Variants in NPAS3 observed in about 807,000 individuals in gnomAD.
NPAS3 encodes the protein neuronal PAS domain protein 3.
A neutral mutation model predicts 73.1 loss-of-function variants in NPAS3; 14 were observed. That is an observed-to-expected ratio of 0.19 (90% confidence interval 0.13 to 0.30). The LOEUF (loss-of-function observed/expected upper bound fraction) is 0.30, where lower values mean the gene tolerates loss of function less well. Ranked by LOEUF, NPAS3 falls within the 10% of genes least tolerant of loss-of-function variation. The pLI is 1.00. For missense variants in NPAS3, 1,096 were observed against 1,250.0 expected (o/e 0.88, Z 1.86); for synonymous variants, 620 against 541.5 (o/e 1.14, Z -2.01).
At chr14:33,595,101 A>T (rs1178666219) in intron 5 of NPAS3, among the ~76,000 whole-genome samples, 1 of 152,196 alleles carries the variant, frequency 6.6e-6, no homozygotes, top group African/African-American at 2.4e-5. Context: ...TTTTTCCTCA[A>T]AGCTAAATTT....
In NPAS3 at chr14:33,540,699, C is replaced by A. The variant is rs189569315; in HGVS notation, c.469-19422C>A. Among the ~76,000 whole-genome samples, 3 of 152,216 alleles carry A rather than the reference C, an allele frequency of 2.0e-5. No individual in the cohort carries two copies. The East Asian group carries it at 5.8e-4, about 29-fold the overall frequency. ...TGGGGTCTCTTCAACCTCCCTCGTT[C>A]TAGTAAAGGTCTCTGTAAACACTGA... On this transcript the variant is annotated intron_variant, in intron 4 of 11. Transcript: ENST00000356141.
intron 5 of NPAS3, among the ~76,000 whole-genome samples, chr14:33,580,229 G>A (rs930239985): frequency 3.3e-5 from 5 of 152,170 alleles, no homozygotes; most frequent in Admixed American, 6.5e-5. Flanking sequence ...AAGGGTCAGA[G>A]AACCAGCTTC....
At chr14:33,428,246 T>A (rs2048636246) in intron 4 of NPAS3, among the ~76,000 whole-genome samples, 1 of 152,110 alleles carries the variant, frequency 6.6e-6, no homozygotes, top group Non-Finnish European at 1.5e-5. Context: ...CATGGACACA[T>A]TTTTTAACTT....
chr14:33,147,730 A>AATATATATATATATAT lies in NPAS3; in HGVS notation c.141-67442_141-67427dup, dbSNP rs10674790. On this transcript the variant is annotated intron_variant, in intron 2 of 11. Coordinates refer to ENST00000356141, the Ensembl canonical transcript of NPAS3. ...CCCTAGAACTTAAAGTAGAATAAAA[A>AATATATATATATATAT]ATATATATATATATATATATATATA... 1.6e-3 allele frequency among the ~76,000 whole-genome samples: 212 copies of AATATATATATATATAT among 130,294 alleles called. 2 individuals carry two copies. The highest frequency in any genetic ancestry group is 6.6e-3 in the African/African-American group (203 of 30,850). The allele number at this position is 130,294 out of a possible 152,430, so 85.5% of individuals were successfully genotyped here.
In NPAS3 at chr14:33,011,603, C is replaced by G. The variant is rs141078074; in HGVS notation, c.51-44302C>G. Among the ~76,000 whole-genome samples, 723 of 151,930 alleles carry G rather than the reference C, an allele frequency of 4.8e-3. 6 individuals are homozygous for G. Among genetic ancestry groups the G allele is most frequent in the South Asian group, 0.028 (134 of 4,818 alleles). Reference sequence around the variant, plus strand: ...AAGGAAATGAGGTTGAACAAAATGACATTGTTGGAGGACCTGCTGTAATTC... The same window carrying G: ...AAGGAAATGAGGTTGAACAAAATGAGATTGTTGGAGGACCTGCTGTAATTC... On this transcript the variant is annotated intron_variant, in intron 1 of 11. Coordinates refer to ENST00000356141, the Ensembl canonical transcript of NPAS3.
At chr14:33,101,430 A>T (rs1257990651) in intron 2 of NPAS3, among the ~76,000 whole-genome samples, 1 of 152,214 alleles carries the variant, frequency 6.6e-6, no homozygotes, top group Non-Finnish European at 1.5e-5. Context: ...AACTTGTAGT[A>T]AACCCTGACT....
At chr14:33,434,935 G>C (rs145815754) in intron 4 of NPAS3, among the ~76,000 whole-genome samples, 45 of 152,250 alleles carry the variant, frequency 3.0e-4, no homozygotes, top group African/African-American at 9.6e-4. Context: ...TAATTTTGAG[G>C]GGGGTGTGGT....
At chr14:33,563,542 A>AGAGAGAG (rs2055768547) in intron 5 of NPAS3, among the ~76,000 whole-genome samples, 2 of 148,978 alleles carry the variant, frequency 1.3e-5, no homozygotes, top group East Asian at 3.9e-4. Context: ...ACACACAGAG[A>AGAGAGAG]GAGAGAGAGA....
At chr14:33,459,138 G>A (rs2050146275) in intron 4 of NPAS3, among the ~76,000 whole-genome samples, 1 of 152,184 alleles carries the variant, frequency 6.6e-6, no homozygotes, top group Non-Finnish European at 1.5e-5. Context: ...GAGTGTAGCA[G>A]TGAGGACGAC....
chr14:33,163,878 T>C (rs1460483963), intron 2 of NPAS3, among the ~76,000 whole-genome samples: 2 of 152,210 alleles, frequency 1.3e-5, no homozygotes, highest in Non-Finnish European at 2.9e-5. Flanking sequence ...ACATCAGTGC[T>C]TTCAGCAGGT....
chr14:33,742,029 A>C (rs984980401), intron 7 of NPAS3, among the ~76,000 whole-genome samples: 5 of 152,128 alleles, frequency 3.3e-5, no homozygotes. Context: ...TTGCTCCTAA[A>C]AGTTATTGTT....
At chr14:33,227,428 T>C (rs1258837723) in intron 3 of NPAS3, among the ~76,000 whole-genome samples, 1 of 152,130 alleles carries the variant, frequency 6.6e-6, no homozygotes, top group African/African-American at 2.4e-5. Flanking sequence ...TAGTTTGGAC[T>C]GCTATAACAG....
chr14:33,128,302 T>C (rs1338051158), intron 2 of NPAS3, among the ~76,000 whole-genome samples: 2 of 152,158 alleles, frequency 1.3e-5, no homozygotes, highest in Admixed American at 1.3e-4. Flanking sequence ...TACCAATAAA[T>C]GTATGTAGGA....
intron 7 of NPAS3, among the ~76,000 whole-genome samples, chr14:33,769,787 CAA>C (rs2062592966): frequency 2.9e-5 from 1 of 34,374 alleles, no homozygotes; most frequent in East Asian, 1.8e-3. Flanking sequence ...TTTTTTGAGA[CAA>C]GATCTTGCTC....
In NPAS3 at chr14:33,308,510, T is replaced by TTATA. The variant is rs67518761; in HGVS notation, c.386-58661_386-58658dup. ...TTTTCTAAAGGGACTATTGCATAGT[T>TTATA]TATATATATATATATATACATACAC... is the stretch of plus-strand genomic sequence containing the variant. On this transcript the variant is annotated intron_variant, in intron 3 of 11. Coordinates refer to ENST00000356141, the Ensembl canonical transcript of NPAS3. 6.0e-3 allele frequency among the ~76,000 whole-genome samples: 502 copies of TTATA among 83,546 alleles called. 28 individuals carry two copies. Among genetic ancestry groups the TTATA allele is most frequent in the African/African-American group, 0.028 (457 of 16,386 alleles). The allele number at this position is 83,546 out of a possible 152,430, so 54.8% of individuals were successfully genotyped here.
intron 2 of NPAS3, among the ~76,000 whole-genome samples, chr14:33,119,193 G>T (rs902068983): frequency 6.6e-6 from 1 of 152,076 alleles, no homozygotes; most frequent in African/African-American, 2.4e-5. Context: ...ACATGAAAAT[G>T]TAGCAAATTT....
At chr14:33,164,585 A>C (rs1179582041) in intron 2 of NPAS3, among the ~76,000 whole-genome samples, 1 of 152,196 alleles carries the variant, frequency 6.6e-6, no homozygotes, top group African/African-American at 2.4e-5. Flanking sequence ...TGTTAGTGGA[A>C]TAATAATAAT....
intron 4 of NPAS3, among the ~76,000 whole-genome samples, chr14:33,470,926 G>A (rs1425588134): frequency 2.4e-5 from 3 of 124,210 alleles, no homozygotes; most frequent in African/African-American, 1.3e-4. Flanking sequence ...GATTTGTAGA[G>A]CATATTTAAA....
intron 5 of NPAS3, among the ~76,000 whole-genome samples, chr14:33,658,280 G>A (rs2059207364): frequency 6.6e-6 from 1 of 152,200 alleles, no homozygotes; most frequent in Non-Finnish European, 1.5e-5. Context: ...AAGAATCAGT[G>A]GTGAAGACAG....
Sources: gnomAD v4.1 joint callset for allele counts (sites outside exome capture counted in the v4.1 genomes callset) on GRCh38, gnomAD v4.1.1 for gene constraint, MANE v1.5 for transcripts, NCBI Gene and HGNC (gene_info 2026-07-23, HGNC 2026-07-21) for gene names.